Variants in ZFAND3 observed in about 807,000 individuals in gnomAD.
ZFAND3 encodes zinc finger AN1-type containing 3, also known as AN1-type zinc finger protein 3.
In ZFAND3, 10 loss-of-function variants were observed where a neutral mutation model predicts 29.6. The ratio of observed to expected loss-of-function variants is 0.34; its 90% confidence interval spans 0.21 to 0.57. The LOEUF (loss-of-function observed/expected upper bound fraction) is 0.57, where lower values mean the gene tolerates loss of function less well. Ranked by LOEUF, ZFAND3 falls within the 20% of genes least tolerant of loss-of-function variation. The pLI is 0.86. For missense variants in ZFAND3, 230 were observed against 304.5 expected, an observed-to-expected ratio of 0.76 and a Z score of 1.82; for synonymous variants, 128 against 112.6, an observed-to-expected ratio of 1.14 and a Z score of -0.87.
chr6:37,874,371 T>G (rs1365074507), intron 1 of ZFAND3, among the ~76,000 whole-genome samples: 2 of 151,992 alleles, frequency 1.3e-5, no homozygotes, highest in African/African-American at 2.4e-5. Flanking sequence ...CAAAATTAGC[T>G]GGGTGTGGTG....
chr6:38,072,435 C>G (rs573408607), intron 3 of ZFAND3, among the ~76,000 whole-genome samples: 3 of 152,174 alleles, frequency 2.0e-5, no homozygotes, highest in Non-Finnish European at 2.9e-5. Context: ...ACTGTCCCCC[C>G]TGCCCCCAAT....
chr6:37,987,169 G>A (rs1031180450), intron 2 of ZFAND3, among the ~76,000 whole-genome samples: 2 of 152,184 alleles, frequency 1.3e-5, no homozygotes, highest in Non-Finnish European at 2.9e-5. Flanking sequence ...CAGAACAAAG[G>A]AGTGGAGTTA....
Position 38,021,754 on chromosome 6 carries a change from T to A in ZFAND3, c.113-39839T>A, listed in dbSNP as rs114658634. The stretch of plus-strand genomic sequence containing the variant: ...GAGCAGGGCTGCTGTTATATAACCT[T>A]AGATTTCCTGGCTTGGTAGGGCTGT... On this transcript the variant is annotated intron_variant, in intron 2 of 5. Coordinates refer to ENST00000287218, the MANE Select transcript of ZFAND3 (RefSeq NM_021943.3). Among the ~76,000 whole-genome samples, 688 of 152,268 alleles carry A rather than the reference T, an allele frequency of 4.5e-3. 6 individuals are homozygous for A. The highest frequency in any genetic ancestry group is 0.016 in the African/African-American group (667 of 41,542).
At chr6:38,148,007 A>G (rs536956895) in intron 5 of ZFAND3, among the ~76,000 whole-genome samples, 3 of 152,122 alleles carry the variant, frequency 2.0e-5, no homozygotes, top group Admixed American at 2.0e-4. Flanking sequence ...TGTGCTTTTG[A>G]GGTCTTAGTC....
intron 2 of ZFAND3, among the ~76,000 whole-genome samples, chr6:38,051,237 T>A (rs1246811569): frequency 6.6e-6 from 1 of 152,148 alleles, no homozygotes; most frequent in East Asian, 1.9e-4. Flanking sequence ...TTTTTTTGTC[T>A]TTTCTCCTGT....
At chr6:38,103,621 C>T (rs986314458) in intron 4 of ZFAND3, among the ~76,000 whole-genome samples, 5 of 151,962 alleles carry the variant, frequency 3.3e-5, no homozygotes, top group African/African-American at 9.7e-5. Context: ...TTTTGCTCTT[C>T]TGATAAATAC....
intron 1 of ZFAND3, among the ~76,000 whole-genome samples, chr6:37,823,930 T>TA (rs1398790149): frequency 6.6e-6 from 1 of 152,118 alleles, no homozygotes; most frequent in Non-Finnish European, 1.5e-5. Flanking sequence ...TAGCTGGGAT[T>TA]ACAGGCACGT....
chr6:38,053,573 A>G (rs1764073061), intron 2 of ZFAND3, among the ~76,000 whole-genome samples: 1 of 152,076 alleles, frequency 6.6e-6, no homozygotes, highest in Admixed American at 6.6e-5. Flanking sequence ...AGTTGCAGCT[A>G]CTCGGGAGGC....
chr6:37,836,578 G>C (rs1210360208), intron 1 of ZFAND3, among the ~76,000 whole-genome samples: 1 of 152,164 alleles, frequency 6.6e-6, no homozygotes, highest in Non-Finnish European at 1.5e-5. Context: ...TGCTTTTAAA[G>C]TCATGTTAGT....
intron 1 of ZFAND3, among the ~76,000 whole-genome samples, chr6:37,853,782 C>T (rs1351739037): frequency 6.6e-6 from 1 of 152,034 alleles, no homozygotes. Context: ...TTTTATTAGG[C>T]ACCTGAATAA....
At chr6:37,961,044 A>G (rs545179049) in intron 2 of ZFAND3, among the ~76,000 whole-genome samples, 1 of 152,294 alleles carries the variant, frequency 6.6e-6, no homozygotes, top group East Asian at 1.9e-4. Context: ...TACTACATTC[A>G]GCCTGGGTGA....
intron 5 of ZFAND3, among the ~76,000 whole-genome samples, chr6:38,151,467 C>T (rs559330457): frequency 2.4e-4 from 37 of 151,742 alleles, no homozygotes; most frequent in African/African-American, 8.2e-4. Flanking sequence ...GGCATCTCAA[C>T]CTCTCTCACC....
rs564361398 is a variant in ZFAND3, at chr6:38,038,622, C to A, written c.113-22971C>A. ...AGGAGAATGAAAGTCGTTTCCCCCC[C>A]GCTTTGGTGCTTTATTTTATTTTTT... On this transcript the variant is annotated intron_variant, in intron 2 of 5. Transcript: ENST00000287218. Among the ~76,000 whole-genome samples the A allele has an allele frequency of 2.6e-5, 4 of 152,172 alleles. No individual in the cohort carries two copies. In the East Asian group the frequency reaches 5.8e-4, roughly 22 times the overall value.
chr6:38,046,248 GAGTA>G (rs1189339513), intron 2 of ZFAND3, among the ~76,000 whole-genome samples: 1 of 152,210 alleles, frequency 6.6e-6, no homozygotes, highest in African/African-American at 2.4e-5. Context: ...CATGGAATAA[GAGTA>G]AGAGATAATG....
intron 5 of ZFAND3, among the ~76,000 whole-genome samples, chr6:38,144,183 TAA>T (rs1766024891): frequency 9.0e-5 from 2 of 22,150 alleles, no homozygotes; most frequent in South Asian, 1.4e-3. Flanking sequence ...TATATATATA[TAA>T]TATATATATA....
chr6:37,856,407 T>A (rs1033670163), intron 1 of ZFAND3, among the ~76,000 whole-genome samples: 6 of 152,208 alleles, frequency 3.9e-5, no homozygotes, highest in African/African-American at 1.4e-4. Context: ...GATATTCTCT[T>A]TCTAGCAGTG....
intron 4 of ZFAND3, among the ~76,000 whole-genome samples, chr6:38,085,246 C>A (rs902411892): frequency 2.6e-5 from 4 of 152,194 alleles, no homozygotes; most frequent in African/African-American, 9.7e-5. Flanking sequence ...ACAGAAACCA[C>A]ATGGGCCTTC....
chr6:38,077,447 G>T (rs1234307205), intron 3 of ZFAND3, among the ~76,000 whole-genome samples: 1 of 148,880 alleles, frequency 6.7e-6, no homozygotes, highest in South Asian at 2.1e-4. Flanking sequence ...GTCATGTTAA[G>T]TAAGAAAATT....
At chr6:38,102,103 C>G (rs1380010640) in intron 4 of ZFAND3, among the ~76,000 whole-genome samples, 1 of 152,076 alleles carries the variant, frequency 6.6e-6, no homozygotes, top group African/African-American at 2.4e-5. Context: ...TCTTCCTCCT[C>G]CTCTTCTTCC....
Sources: allele counts gnomAD v4.1 joint callset (sites outside exome capture counted in the v4.1 genomes callset), GRCh38; gene constraint gnomAD v4.1.1; transcripts MANE v1.5; gene names NCBI Gene and HGNC (gene_info 2026-07-23, HGNC 2026-07-21).